The following JAZF1 variants were observed in gnomAD, a reference collection of about 807,000 sequenced individuals.
The protein encoded by JAZF1 is juxtaposed with another zinc finger protein 1.
In JAZF1, 8 loss-of-function variants were observed where a neutral mutation model predicts 26.4. The observed-to-expected ratio is 0.30, with a 90% CI of 0.18 to 0.55. The LOEUF is 0.55. Ranked by LOEUF, JAZF1 falls within the 20% of genes least tolerant of loss-of-function variation. JAZF1 has a pLI of 0.94. For missense variants in JAZF1, 199 were observed against 322.0 expected (o/e 0.62, Z 2.92); for synonymous variants, 126 against 122.3 (o/e 1.03, Z -0.20).
intron 2 of JAZF1, among the ~76,000 whole-genome samples, chr7:27,896,514 G>A (rs1027320294): frequency 1.1e-4 from 16 of 152,066 alleles, no homozygotes; most frequent in African/African-American, 3.6e-4. Context: ...AACACCTCCC[G>A]CATCAATTAT....
intron 1 of JAZF1, among the ~76,000 whole-genome samples, chr7:28,052,632 TTCTTAAGCAGAGCA>T (rs1316039563): frequency 1.3e-5 from 2 of 152,220 alleles, no homozygotes; most frequent in African/African-American, 4.8e-5. Flanking sequence ...TCACTTCAGT[TTCTTAAGCAGAGCA>T]AAGCAACTTG....
chr7:27,995,257 A>C (rs191864256), intron 1 of JAZF1, among the ~76,000 whole-genome samples: 106 of 152,310 alleles, frequency 7.0e-4, no homozygotes, highest in Non-Finnish European at 1.3e-3. Flanking sequence ...GATACAATCC[A>C]CCTCAGCAAA....
chr7:28,078,904 AACTG>A (rs1784094517), intron 1 of JAZF1, among the ~76,000 whole-genome samples: 1 of 152,200 alleles, frequency 6.6e-6, no homozygotes, highest in Non-Finnish European at 1.5e-5. Context: ...GAACTAGAAT[AACTG>A]ACTTTTAGAA....
chr7:27,949,961 G>T (rs1445308690), intron 2 of JAZF1, among the ~76,000 whole-genome samples: 1 of 152,030 alleles, frequency 6.6e-6, no homozygotes, highest in Non-Finnish European at 1.5e-5. Flanking sequence ...AACTTCCCAG[G>T]ATTCCTGACT....
At chr7:27,956,327 CT>C (rs1785092006) in intron 2 of JAZF1, among the ~76,000 whole-genome samples, 1 of 152,164 alleles carries the variant, frequency 6.6e-6, no homozygotes, top group South Asian at 2.1e-4. Context: ...GGACCTTTGA[CT>C]CAATTACTTC....
intron 3 of JAZF1, 180 bp from the exon 4 acceptor site, chr7:27,841,047 G>A: frequency 1.7e-6 from 1 of 596,940 alleles, no homozygotes; most frequent in Non-Finnish European, 2.9e-6. Flanking sequence ...CTGGAAGCAG[G>A]AGCCCTGCGT....
At chr7:28,065,874 C>A (rs1316114829) in intron 1 of JAZF1, among the ~76,000 whole-genome samples, 1 of 152,086 alleles carries the variant, frequency 6.6e-6, no homozygotes, top group Non-Finnish European at 1.5e-5. Flanking sequence ...CCAAACAGTG[C>A]GCATTTTAGA....
At chr7:27,908,614 T>C (rs914427137) in intron 2 of JAZF1, among the ~76,000 whole-genome samples, 3 of 152,140 alleles carry the variant, frequency 2.0e-5, no homozygotes, top group South Asian at 2.1e-4. Flanking sequence ...AGGCTAAACT[T>C]TGAAATGGGC....
intron 2 of JAZF1, among the ~76,000 whole-genome samples, chr7:27,964,288 T>TG (rs918100572): frequency 2.0e-5 from 3 of 149,480 alleles, no homozygotes; most frequent in African/African-American, 7.4e-5. Context: ...TTTGGAACAA[T>TG]GAAAAATGTT....
intron 2 of JAZF1, among the ~76,000 whole-genome samples, chr7:27,963,964 GACA>G (rs1785229687): frequency 6.6e-6 from 1 of 152,132 alleles, no homozygotes; most frequent in Non-Finnish European, 1.5e-5. Context: ...GAAGAATGAG[GACA>G]ACATCTGAAT....
chr7:27,951,699 G>C (rs1785010289), intron 2 of JAZF1, among the ~76,000 whole-genome samples: 1 of 152,192 alleles, frequency 6.6e-6, no homozygotes, highest in South Asian at 2.1e-4. Context: ...AACCAATTAA[G>C]AAGGAGAACA....
intron 1 of JAZF1, among the ~76,000 whole-genome samples, chr7:28,148,707 G>A (rs1440395828): frequency 6.6e-6 from 1 of 152,184 alleles, no homozygotes; most frequent in Admixed American, 6.5e-5. Flanking sequence ...CTTAAGGTTA[G>A]AGATCTTTTT....
intron 1 of JAZF1, among the ~76,000 whole-genome samples, chr7:28,166,002 A>T (rs140466335): frequency 3.7e-4 from 57 of 152,328 alleles, no homozygotes; most frequent in African/African-American, 1.2e-3. Flanking sequence ...AAAAATAAAA[A>T]AAAAGCATTT....
rs149187701 is a variant in JAZF1 at position 27,885,800 on chromosome 7, C to T, written c.385+9420G>A. Reference sequence around the variant, plus strand: ...GTCCAGAGCAGTCATTAGCAAATACCACCTGTAATGCACATTCCTGGAATC... The same window carrying T: ...GTCCAGAGCAGTCATTAGCAAATACTACCTGTAATGCACATTCCTGGAATC... On this transcript the variant is annotated intron_variant, in intron 3 of 4. Transcript: ENST00000283928. Among the ~76,000 whole-genome samples, 143 of 152,250 alleles carry T rather than the reference C, an allele frequency of 9.4e-4. 1 individual carries two copies. Among genetic ancestry groups the T allele is most frequent in the African/African-American group, 3.3e-3 (139 of 41,554 alleles).
chr7:27,838,565 CT>C (rs1782861567), intron 4 of JAZF1, among the ~76,000 whole-genome samples: 1 of 152,204 alleles, frequency 6.6e-6, no homozygotes, highest in Non-Finnish European at 1.5e-5. Flanking sequence ...GGTGGTAGCA[CT>C]TCTGGATTCT....
At chr7:27,978,495 C>T (rs779925155) in intron 2 of JAZF1, among the ~76,000 whole-genome samples, 10 of 151,970 alleles carry the variant, frequency 6.6e-5, no homozygotes, top group Non-Finnish European at 8.8e-5. Context: ...TTTTCCCAGA[C>T]GATGATGAGT....
At chr7:27,942,783 A>G (rs1202978542) in intron 2 of JAZF1, among the ~76,000 whole-genome samples, 1 of 152,184 alleles carries the variant, frequency 6.6e-6, no homozygotes, top group Non-Finnish European at 1.5e-5. Context: ...TGGCACTCTA[A>G]TTATAAGGAA....
chr7:28,097,052 T>C (rs1307367377), intron 1 of JAZF1, among the ~76,000 whole-genome samples: 3 of 152,178 alleles, frequency 2.0e-5, no homozygotes, highest in Non-Finnish European at 2.9e-5. Flanking sequence ...TAACCTAATA[T>C]AAAGGGTTTT....
At chr7:28,089,637 AG>A (rs1784263143) in intron 1 of JAZF1, among the ~76,000 whole-genome samples, 1 of 152,166 alleles carries the variant, frequency 6.6e-6, no homozygotes. Flanking sequence ...ATATATAGAA[AG>A]TTTTCATCTT....
Sources: allele counts gnomAD v4.1 joint callset (sites outside exome capture counted in the v4.1 genomes callset), GRCh38; gene constraint gnomAD v4.1.1; transcripts MANE v1.5; gene names NCBI Gene and HGNC (gene_info 2026-07-23, HGNC 2026-07-21).